LRRC37A2: variants seen among roughly 807,000 people sequenced by gnomAD.
LRRC37A2 encodes the protein leucine-rich repeat-containing protein 37A2.
A neutral mutation model predicts 68.8 loss-of-function variants in LRRC37A2; 9 were observed. That is an observed-to-expected ratio of 0.13 (90% CI 0.08 to 0.23). The LOEUF (loss-of-function observed/expected upper bound fraction) is 0.23. LRRC37A2 is among the 10% of genes least tolerant of loss of function. The pLI, the probability that LRRC37A2 is intolerant of heterozygous loss-of-function variation, is 1.00. For synonymous variants in LRRC37A2, 63 were observed against 367.6 expected (o/e 0.17, Z 9.48); for missense variants, 168 against 950.4 (o/e 0.18, Z 10.82).
chr17:46,985,260 C>T, the LRRC37A2 span, among the ~76,000 whole-genome samples: 59 of 152,300 alleles, frequency 3.9e-4, no homozygotes, highest in African/African-American at 1.4e-3. Flanking sequence ...GCCAACCATG[C>T]CTGTAATCCC....
At chr17:47,032,022 TG>T in the LRRC37A2 span, among the ~76,000 whole-genome samples, 4 of 124,298 alleles carry the variant, frequency 3.2e-5, no homozygotes, top group African/African-American at 1.2e-4. Flanking sequence ...AAATTTGTAG[TG>T]GTTGAAAAGT....
chr17:46,908,348 C>A, the LRRC37A2 span, among the ~76,000 whole-genome samples: 1 of 152,152 alleles, frequency 6.6e-6, no homozygotes, highest in East Asian at 1.9e-4. Flanking sequence ...GCCTCAGGGT[C>A]CTGGGCGCTT....
chr17:46,883,967 G>C, the LRRC37A2 span, among the ~76,000 whole-genome samples: 1 of 152,258 alleles, frequency 6.6e-6, no homozygotes, highest in South Asian at 2.1e-4. Flanking sequence ...CGCTGGAGCC[G>C]TCTCAGGGGA....
At chr17:46,959,498 G>A in the LRRC37A2 span, among the ~76,000 whole-genome samples, 1 of 152,096 alleles carries the variant, frequency 6.6e-6, no homozygotes, top group Admixed American at 6.5e-5. Flanking sequence ...TTAGAGCAAA[G>A]GAAAAGGTTC....
chr17:46,441,986 A>G, the LRRC37A2 span, among the ~76,000 whole-genome samples: 2 of 84,634 alleles, frequency 2.4e-5, no homozygotes, highest in African/African-American at 6.5e-5. Flanking sequence ...ACTTTACTAA[A>G]AAATCACTTC....
the LRRC37A2 span, among the ~76,000 whole-genome samples, chr17:46,605,995 C>CAAAAA: frequency 5.9e-4 from 30 of 51,048 alleles, no homozygotes; most frequent in African/African-American, 8.2e-4. Flanking sequence ...ACTAAAAATA[C>CAAAAA]AAAAAAAAAA....
the LRRC37A2 span, among the ~76,000 whole-genome samples, chr17:46,840,000 C>CTTTT: frequency 1.1e-3 from 137 of 125,156 alleles, 1 homozygote; most frequent in African/African-American, 3.6e-3. Flanking sequence ...TTTTTTCTTT[C>CTTTT]TTCTTTCTTT....
chr17:46,974,497 G>A, the LRRC37A2 span, among the ~76,000 whole-genome samples: 4 of 152,340 alleles, frequency 2.6e-5, no homozygotes, highest in South Asian at 8.3e-4. Context: ...CACTTTGGGA[G>A]GCCGAGGCGG....
At chr17:46,476,499 T>A in the LRRC37A2 span, among the ~76,000 whole-genome samples, 4 of 90,518 alleles carry the variant, frequency 4.4e-5, no homozygotes, top group African/African-American at 1.2e-4. Context: ...CTGGCCAACA[T>A]GGTGAAACCC....
the LRRC37A2 span, among the ~76,000 whole-genome samples, chr17:46,797,934 TG>T: frequency 6.6e-6 from 1 of 152,274 alleles, no homozygotes. Flanking sequence ...ACCAGTTTTT[TG>T]TTTGTTGGTT....
chr17:46,771,652 C>G, the LRRC37A2 span, among the ~76,000 whole-genome samples: 1 of 144,486 alleles, frequency 6.9e-6, no homozygotes, highest in Non-Finnish European at 1.5e-5. Context: ...GGGCCCGGGC[C>G]GCCGGGCCGG....
chr17:47,007,377 C>T, the LRRC37A2 span, among the ~76,000 whole-genome samples: 1 of 152,178 alleles, frequency 6.6e-6, no homozygotes, highest in African/African-American at 2.4e-5. Context: ...TGAGGTTTCA[C>T]CATGTTGGCC....
At chr17:46,499,042 T>C in the LRRC37A2 span, among the ~76,000 whole-genome samples, 1 of 149,402 alleles carries the variant, frequency 6.7e-6, no homozygotes, top group African/African-American at 2.6e-5. Context: ...AGGCCAGGCA[T>C]GGTGGCTCAC....
At chr17:46,745,728 G>T in the LRRC37A2 span, among the ~76,000 whole-genome samples, 49 of 152,342 alleles carry the variant, frequency 3.2e-4, 1 homozygote, top group South Asian at 0.01. Context: ...TACTGAGGAT[G>T]TATCAGCATG....
the LRRC37A2 span, among the ~76,000 whole-genome samples, chr17:46,998,296 G>A: frequency 1.3e-5 from 2 of 152,208 alleles, no homozygotes; most frequent in African/African-American, 4.8e-5. Flanking sequence ...TCCCGGCTCG[G>A]CCGTGAGTGT....
the LRRC37A2 span, among the ~76,000 whole-genome samples, chr17:47,025,898 C>T: frequency 8.9e-5 from 11 of 124,048 alleles, no homozygotes; most frequent in African/African-American, 3.4e-4. Context: ...TCACTCCCCC[C>T]TATTCATTTA....
At chr17:46,750,770 A>G in the LRRC37A2 span, among the ~76,000 whole-genome samples, 4 of 152,090 alleles carry the variant, frequency 2.6e-5, no homozygotes, top group African/African-American at 4.8e-5. Context: ...AGAAAAATTA[A>G]CCATTCATAG....
the LRRC37A2 span, among the ~76,000 whole-genome samples, chr17:46,823,267 T>G: frequency 6.8e-6 from 1 of 146,072 alleles, no homozygotes; most frequent in Non-Finnish European, 1.5e-5. Context: ...CAGGCTGTAG[T>G]GCAATGGCGC....
the LRRC37A2 span, among the ~76,000 whole-genome samples, chr17:46,818,948 C>A: frequency 6.6e-6 from 1 of 152,168 alleles, no homozygotes; most frequent in Admixed American, 6.5e-5. Flanking sequence ...TTCGGGGGGA[C>A]GCGGTGGGCC....
Sources: allele counts gnomAD v4.1 joint callset (sites outside exome capture counted in the v4.1 genomes callset), GRCh38; gene constraint gnomAD v4.1.1; transcripts MANE v1.5; gene names NCBI Gene and HGNC (gene_info 2026-07-23, HGNC 2026-07-21).